The following JPH1 variants were observed in gnomAD, a reference collection of about 807,000 sequenced individuals.
JPH1 encodes junctophilin 1.
A neutral mutation model predicts 53.6 loss-of-function variants in JPH1; 12 were observed. The observed-to-expected ratio is 0.22, with a 90% confidence interval of 0.14 to 0.36. The LOEUF (loss-of-function observed/expected upper bound fraction) is 0.36, where lower values mean the gene tolerates loss of function less well. Among genes scored for constraint, JPH1 ranks in the 10% least tolerant of loss-of-function variants. JPH1 has a pLI of 1.00. For missense variants in JPH1, 808 were observed against 905.5 expected (o/e 0.89, Z 1.38); for synonymous variants, 375 against 363.8 (o/e 1.03, Z -0.35).
chr8:74,244,552 C>A lies in JPH1; in HGVS notation c.1882G>T (p.Ala628Ser). Residue 628 changes from alanine (A) to serine (S), a missense_variant, in exon 4 of 6, where the codon GCT becomes TCT. Physicochemically the swap from Ala to Ser is moderately conservative, Grantham distance 99 (BLOSUM62 1). This residue lies in a region of JPH1 where 756 missense variants were observed against 811.9 expected (regional missense o/e 0.93). Coordinates refer to ENST00000342232, the MANE Select transcript of JPH1 (RefSeq NM_020647.4). ...ACTGAATTGGCTTCTTTTTCCAAAG[C>A]AGGGCATGAATCGTTGCTTGCTGGA... The part of the protein sequence containing the change: ...KNPASNDSCP[A>S]LEKEANSGPN... 1.2e-6 allele frequency: 2 copies of A among 1,606,236 alleles called. No homozygotes were observed. Among genetic ancestry groups the A allele is most frequent in the Non-Finnish European group, 1.7e-6 (2 of 1,177,488 alleles).
chr8:74,243,455 G>A (rs1275118238), intron 4 of JPH1, among the ~76,000 whole-genome samples: 2 of 152,138 alleles, frequency 1.3e-5, no homozygotes, highest in African/African-American at 4.8e-5. Flanking sequence ...ATAGATATTA[G>A]CAAAATAAAC....
chr8:74,304,486 G>A (rs2131451049), intron 2 of JPH1, among the ~76,000 whole-genome samples: 1 of 152,278 alleles, frequency 6.6e-6, no homozygotes, highest in Non-Finnish European at 1.5e-5. Flanking sequence ...CATCATCTGA[G>A]GCTCTTCCAT....
chr8:74,261,161 C>G (rs1198352270), intron 2 of JPH1, among the ~76,000 whole-genome samples: 1 of 152,180 alleles, frequency 6.6e-6, no homozygotes, highest in Non-Finnish European at 1.5e-5. Flanking sequence ...CTGCATGATA[C>G]TGTAGTGGGG....
At chr8:74,251,957 C>T (rs1016685484) in intron 3 of JPH1, among the ~76,000 whole-genome samples, 3 of 152,158 alleles carry the variant, frequency 2.0e-5, no homozygotes, top group Non-Finnish European at 2.9e-5. Context: ...CAGCATGGTA[C>T]TGCTACCAAA....
chr8:74,269,259 C>G (rs1242422028), intron 2 of JPH1, among the ~76,000 whole-genome samples: 1 of 152,206 alleles, frequency 6.6e-6, no homozygotes, highest in African/African-American at 2.4e-5. Flanking sequence ...TGCCCAAAAC[C>G]ATTGCGCATC....
intron 2 of JPH1, among the ~76,000 whole-genome samples, chr8:74,296,841 T>C (rs1807535743): frequency 6.6e-6 from 1 of 152,156 alleles, no homozygotes; most frequent in Non-Finnish European, 1.5e-5. Flanking sequence ...CTAATAAATA[T>C]ATCCAAGAAA....
At chr8:74,267,912 A>G (rs1327752164) in intron 2 of JPH1, among the ~76,000 whole-genome samples, 1 of 152,176 alleles carries the variant, frequency 6.6e-6, no homozygotes, top group Non-Finnish European at 1.5e-5. Flanking sequence ...GAAAGAATAT[A>G]AGAACAGTGA....
In JPH1 at chr8:74,321,319, G is replaced by GGGCACGGACGCGGGCAGT; in HGVS notation, c.-50_-33dup. The GGGCACGGACGCGGGCAGT allele has an allele frequency of 6.7e-7, 1 of 1,501,374 alleles. No homozygotes were observed. 93.0% of individuals were successfully genotyped at this position (1,501,374 alleles called of 1,614,324 possible). ...GGCAGCCCCGGCGCGCTCCCCGCAGGGGCACGGACGCGGGCAGTGCTGGGC... is the reference window on the plus strand; with the variant it reads ...GGCAGCCCCGGCGCGCTCCCCGCAGGGGCACGGACGCGGGCAGTGGCACGGACGCGGGCAGTGCTGGGC... On this transcript the variant is annotated 5_prime_UTR_variant, in exon 1 of 6. Coordinates refer to ENST00000342232, the MANE Select transcript of JPH1 (RefSeq NM_020647.4). This position sits in a 1 kb window ranked among gnomAD's most constrained non-coding sequence, Gnocchi z 4.3.
At chr8:74,310,288 TA>T (rs34501932) in intron 2 of JPH1, among the ~76,000 whole-genome samples, 8,862 of 133,756 alleles carry the variant, frequency 0.066, 256 homozygotes, top group East Asian at 0.096. Context: ...GAACATTTCT[TA>T]AAAAAAAAAA....
At chr8:74,297,336 T>C (rs1006325397) in intron 2 of JPH1, among the ~76,000 whole-genome samples, 3 of 152,214 alleles carry the variant, frequency 2.0e-5, no homozygotes, top group Non-Finnish European at 4.4e-5. Context: ...GATTCTCTAT[T>C]ACAAACCAGA....
rs4738445 is a variant in JPH1 at position 74,320,720 on chromosome 8, G to A, written c.379+189C>T. Among the ~76,000 whole-genome samples the A allele has an allele frequency of 0.2, 31,001 of 152,046 alleles. 3,572 individuals carry two copies. Among genetic ancestry groups the A allele is most frequent in the East Asian group, 0.3 (1,560 of 5,120 alleles). ...AAGAACGGGGTCAGATCCAGCCCTC[G>A]CGCCCCAGTCCGGTCCCAGCGCCCT... On this transcript the variant is annotated intron_variant, in intron 1 of 5. Coordinates refer to ENST00000342232, the MANE Select transcript of JPH1 (RefSeq NM_020647.4). This position sits in a 1 kb window ranked among gnomAD's most constrained non-coding sequence, Gnocchi z 4.4.
intron 3 of JPH1, among the ~76,000 whole-genome samples, chr8:74,252,737 G>C (rs1183296720): frequency 6.6e-6 from 1 of 152,066 alleles, no homozygotes; most frequent in East Asian, 1.9e-4. Context: ...AAAGGCAGGG[G>C]TTGCAATCCT....
intron 2 of JPH1, among the ~76,000 whole-genome samples, chr8:74,312,528 G>C (rs551948938): frequency 6.6e-4 from 100 of 152,290 alleles, no homozygotes; most frequent in South Asian, 1.7e-3. Flanking sequence ...AGTATTACAG[G>C]CATGTACCAT....
At chr8:74,291,367 C>G (rs1807321296) in intron 2 of JPH1, among the ~76,000 whole-genome samples, 2 of 152,164 alleles carry the variant, frequency 1.3e-5, no homozygotes, top group Non-Finnish European at 2.9e-5. Flanking sequence ...CCAACAGACA[C>G]ATGAAAAAAT....
At chr8:74,253,181 T>C (rs1257557237) in intron 3 of JPH1, among the ~76,000 whole-genome samples, 1 of 152,064 alleles carries the variant, frequency 6.6e-6, no homozygotes, top group East Asian at 1.9e-4. Context: ...ACAGAAATTA[T>C]AACAAACTAT....
At position 74,321,372 on chromosome 8, in the gene JPH1, G is replaced by C; in HGVS notation, c.-85C>G. The stretch of plus-strand genomic sequence containing the variant: ...GGCAGGGTGTAGCTCGGGGGTGGGG[G>C]CCCGGCGGGCGAGCTCACGACAGCG... On this transcript the variant is annotated 5_prime_UTR_variant, in exon 1 of 6. Transcript: ENST00000342232. The surrounding 1 kb of genome is among the most constrained non-coding windows in gnomAD (Gnocchi z 4.3). 1 of 1,321,766 alleles carries C rather than the reference G, an allele frequency of 7.6e-7. No homozygotes were observed. Among genetic ancestry groups the C allele is most frequent in the Non-Finnish European group, 9.8e-7 (1 of 1,018,192 alleles). 81.9% of individuals were successfully genotyped at this position (1,321,766 alleles called of 1,614,324 possible).
chr8:74,258,564 C>G (rs984325990), intron 3 of JPH1, among the ~76,000 whole-genome samples: 1 of 152,168 alleles, frequency 6.6e-6, no homozygotes, highest in African/African-American at 2.4e-5. Flanking sequence ...TTTCCTCTTA[C>G]TCTGTGCAGA....
chr8:74,312,927 AT>A (rs1374652723), intron 2 of JPH1, among the ~76,000 whole-genome samples: 1 of 152,254 alleles, frequency 6.6e-6, no homozygotes, highest in African/African-American at 2.4e-5. Flanking sequence ...TAACTATATA[AT>A]ACAGTATTCC....
intron 3 of JPH1, among the ~76,000 whole-genome samples, chr8:74,255,770 A>C (rs1213183824): frequency 1.3e-5 from 2 of 152,246 alleles, no homozygotes; most frequent in Non-Finnish European, 2.9e-5. Context: ...ATATTTATGC[A>C]GCCAAAAAAC....
Sources: allele counts gnomAD v4.1 joint callset (sites outside exome capture counted in the v4.1 genomes callset), GRCh38; gene constraint gnomAD v4.1.1; regional missense constraint gnomAD v4.1.1; non-coding constraint Gnocchi (gnomAD v3.1); transcripts MANE v1.5; gene names NCBI Gene and HGNC (gene_info 2026-07-23, HGNC 2026-07-21).